The following ASCC3 variants were observed in gnomAD, a reference collection of about 807,000 sequenced individuals.
ASCC3 encodes activating signal cointegrator 1 complex subunit 3, also known as ASC-1 complex subunit P200.
ASCC3 carries 158 observed loss-of-function variants against 256.3 expected under a neutral mutation model. That is an observed-to-expected ratio of 0.62 (90% CI 0.54 to 0.70). The LOEUF (loss-of-function observed/expected upper bound fraction) is 0.70. Ranked by LOEUF, ASCC3 falls within the 30% of genes least tolerant of loss-of-function variation. ASCC3 has a pLI of 0.00. For synonymous variants in ASCC3, 948 were observed against 883.4 expected, an observed-to-expected ratio of 1.07 and a Z score of -1.30; for missense variants, 2,259 against 2,626.0, an observed-to-expected ratio of 0.86 and a Z score of 3.05.
Position 100,718,131 on chromosome 6 carries a change from G to A in ASCC3, c.2023C>T (p.Arg675Cys), listed in dbSNP as rs748496369. 9.3e-6 allele frequency: 15 copies of A among 1,613,382 alleles called. No homozygotes were observed. The highest frequency in any genetic ancestry group is 3.3e-5 in the South Asian group (3 of 91,058). The change falls in exon 12 of 42, where the codon CGT becomes TGT. Residue 675 changes from arginine (R) to cysteine (C), a missense_variant. By Grantham distance (180) the Arg-to-Cys change is radical (BLOSUM62 -3). Around this residue, in one of 2 missense-constraint regions of ASCC3, gnomAD observed 1,839 missense variants for 2,206.7 expected, o/e 0.83. Transcript: ENST00000369162. ...TGTCCAAGAGGTACTGGTCGAAAAC[G>A]GCCATCAAAGAAGAAAAGTCCAATG... is the stretch of plus-strand genomic sequence containing the variant. ...PYIGLFFFDG[R>C]FRPVPLGQTF...
At chr6:100,869,389 A>T (rs923001815) in intron 1 of ASCC3, among the ~76,000 whole-genome samples, 1 of 152,224 alleles carries the variant, frequency 6.6e-6, no homozygotes, top group Non-Finnish European at 1.5e-5. Context: ...ACTTGGAAAA[A>T]TCTATGACCT....
intron 39 of ASCC3, 152 bp downstream of exon 39, chr6:100,516,028 A>G: frequency 1.0e-6 from 1 of 953,982 alleles, no homozygotes; most frequent in Non-Finnish European, 1.7e-6. Flanking sequence ...TGAGACATCT[A>G]TGTTTTCATG....
chr6:100,767,772 C>G (rs557890029), intron 8 of ASCC3, among the ~76,000 whole-genome samples: 1 of 127,350 alleles, frequency 7.9e-6, no homozygotes, highest in Non-Finnish European at 1.8e-5. Flanking sequence ...CCATGCCCGG[C>G]TAATTTTTTT....
chr6:100,670,837 A>G (rs547462537), intron 14 of ASCC3, among the ~76,000 whole-genome samples: 1 of 152,144 alleles, frequency 6.6e-6, no homozygotes, highest in African/African-American at 2.4e-5. Flanking sequence ...TTTCTAATGT[A>G]TATCATTGCA....
rs535804279 is a variant in ASCC3 at position 100,857,401 on chromosome 6, C to G, written c.241+6663G>C. ...AGGTATTAATTTTACTACAGTCCAACTTAATCATTCCCTTTGTACTTTTTG... is the reference window on the plus strand; with the variant it reads ...AGGTATTAATTTTACTACAGTCCAAGTTAATCATTCCCTTTGTACTTTTTG... On this transcript the variant is annotated intron_variant, in intron 3 of 41. Coordinates refer to ENST00000369162, the MANE Select transcript of ASCC3 (RefSeq NM_006828.4). 7 of 152,172 alleles carry G rather than the reference C, an allele frequency of 4.6e-5. No homozygotes were observed. The South Asian group carries it at 1.5e-3, about 32-fold the overall frequency. The allele number at this position is 152,172 out of a possible 1,614,324, so 9.4% of individuals were successfully genotyped here. A position where few individuals can be genotyped will look rare whatever the true frequency, so the allele number is the denominator to read the frequency against.
chr6:100,828,027 A>G (rs1054569662), intron 4 of ASCC3, among the ~76,000 whole-genome samples: 6 of 151,940 alleles, frequency 3.9e-5, no homozygotes, highest in Middle Eastern at 3.4e-3. Context: ...TATTTCTCAT[A>G]AGAAAAATGT....
chr6:100,600,638 A>C (rs1411326190), intron 34 of ASCC3, among the ~76,000 whole-genome samples: 1 of 152,120 alleles, frequency 6.6e-6, no homozygotes, highest in Non-Finnish European at 1.5e-5. Flanking sequence ...GAACATTTTC[A>C]TCATGACTTC....
At chr6:100,720,563 G>C (rs12194255) in intron 11 of ASCC3, among the ~76,000 whole-genome samples, 1 of 151,448 alleles carries the variant, frequency 6.6e-6, no homozygotes, top group Non-Finnish European at 1.5e-5. Context: ...TTTAAAAGGA[G>C]GTAGGGGAAA....
chr6:100,871,152 G>T (rs1403872869), intron 1 of ASCC3, among the ~76,000 whole-genome samples: 1 of 151,650 alleles, frequency 6.6e-6, no homozygotes, highest in African/African-American at 2.4e-5. Context: ...CTGGAGTGCA[G>T]TGGCGTGATC....
At chr6:100,520,434 CTTTT>C (rs569468513) in intron 37 of ASCC3, among the ~76,000 whole-genome samples, 1 of 144,466 alleles carries the variant, frequency 6.9e-6, no homozygotes. Flanking sequence ...CCTTCTTCTT[CTTTT>C]TTTTTTTTCT....
intron 10 of ASCC3, among the ~76,000 whole-genome samples, chr6:100,753,712 G>C (rs899175254): frequency 1.3e-5 from 2 of 152,102 alleles, no homozygotes; most frequent in African/African-American, 2.4e-5. Flanking sequence ...AATTAGAGTA[G>C]TGGCAGTGAT....
At chr6:100,847,571 TAAC>T (rs1379322573) in intron 4 of ASCC3, among the ~76,000 whole-genome samples, 4 of 152,176 alleles carry the variant, frequency 2.6e-5, no homozygotes, top group Non-Finnish European at 4.4e-5. Context: ...ATTCCAATAA[TAAC>T]GACAAAAATA....
chr6:100,826,859 T>A (rs550289296), intron 4 of ASCC3, among the ~76,000 whole-genome samples: 1 of 152,234 alleles, frequency 6.6e-6, no homozygotes, highest in South Asian at 2.1e-4. Flanking sequence ...CTTTCTTCTG[T>A]CATTTAGATA....
intron 34 of ASCC3, among the ~76,000 whole-genome samples, chr6:100,590,566 G>C (rs1017922714): frequency 6.6e-6 from 1 of 152,070 alleles, no homozygotes; most frequent in Non-Finnish European, 1.5e-5. Context: ...ATCCTAGTCA[G>C]CATGGGTAAT....
intron 25 of ASCC3, among the ~76,000 whole-genome samples, chr6:100,631,531 A>G (rs538896809): frequency 1.8e-4 from 28 of 152,062 alleles, no homozygotes; most frequent in African/African-American, 6.7e-4. Context: ...TATATTCTAC[A>G]TAATAAAAAC....
intron 36 of ASCC3, among the ~76,000 whole-genome samples, chr6:100,581,701 G>C (rs1009073529): frequency 6.6e-6 from 1 of 152,062 alleles, no homozygotes; most frequent in African/African-American, 2.4e-5. Flanking sequence ...TTCTTCTAGG[G>C]TTTTTATGGT....
At chr6:100,707,463 G>T (rs1778658523) in intron 13 of ASCC3, among the ~76,000 whole-genome samples, 1 of 152,026 alleles carries the variant, frequency 6.6e-6, no homozygotes, top group South Asian at 2.1e-4. Context: ...TCTGGTAGTG[G>T]AATTACCAGT....
intron 40 of ASCC3, among the ~76,000 whole-genome samples, chr6:100,510,701 T>C (rs1033561345): frequency 6.6e-6 from 1 of 152,214 alleles, no homozygotes; most frequent in Non-Finnish European, 1.5e-5. Flanking sequence ...CAATTTTAAG[T>C]CAAGCAATTT....
chr6:100,593,848 C>T (rs919417248), intron 34 of ASCC3, among the ~76,000 whole-genome samples: 1 of 152,026 alleles, frequency 6.6e-6, no homozygotes, highest in African/African-American at 2.4e-5. Flanking sequence ...ACTGAACATA[C>T]AAATTGAATC....
Sources: gnomAD v4.1 joint callset for allele counts (sites outside exome capture counted in the v4.1 genomes callset) on GRCh38, gnomAD v4.1.1 for gene constraint, gnomAD v4.1.1 regional missense constraint, MANE v1.5 for transcripts, NCBI Gene and HGNC (gene_info 2026-07-23, HGNC 2026-07-21) for gene names.